The following LAMA2 variants were observed in gnomAD, a reference collection of about 807,000 sequenced individuals.
LAMA2 encodes laminin subunit alpha-2.
LAMA2 carries 269 observed loss-of-function variants against 364.8 expected under a neutral mutation model. The ratio of observed to expected loss-of-function variants is 0.74; its 90% CI spans 0.67 to 0.82. The LOEUF is 0.82. Among genes scored for constraint, LAMA2 ranks in the 40% least tolerant of loss-of-function variants. The pLI is 0.00. For missense variants in LAMA2, 3,807 were observed against 3,873.2 expected (o/e 0.98, Z 0.45); for synonymous variants, 1,379 against 1,370.6 (o/e 1.01, Z -0.14).
intron 64 of LAMA2, among the ~76,000 whole-genome samples, 178 bp downstream of exon 64, chr6:129,514,773 A>ACTT (rs1173371906): frequency 6.6e-6 from 1 of 152,252 alleles, no homozygotes; most frequent in Non-Finnish European, 1.5e-5. Context: ...TGAACATATT[A>ACTT]CTTATATAAA....
chr6:129,434,485 A>T (rs959091140), intron 41 of LAMA2, among the ~76,000 whole-genome samples: 9 of 152,156 alleles, frequency 5.9e-5, no homozygotes, highest in African/African-American at 9.7e-5. Context: ...GGCTTCTGTT[A>T]TTGGGTTTGA....
intron 1 of LAMA2, among the ~76,000 whole-genome samples, chr6:128,980,135 T>C (rs998921147): frequency 2.0e-5 from 3 of 152,176 alleles, no homozygotes; most frequent in East Asian, 1.9e-4. Context: ...GTAACCTCAG[T>C]GTAGCTGGTG....
At chr6:129,212,797 A>G (rs1218164539) in intron 12 of LAMA2, among the ~76,000 whole-genome samples, 1 of 152,206 alleles carries the variant, frequency 6.6e-6, no homozygotes, top group East Asian at 1.9e-4. Flanking sequence ...AGATACAATA[A>G]TATTTGGTCA....
At chr6:129,070,951 A>G (rs1225192945) in intron 3 of LAMA2, among the ~76,000 whole-genome samples, 1 of 152,142 alleles carries the variant, frequency 6.6e-6, no homozygotes, top group African/African-American at 2.4e-5. Context: ...ATAACCAGCA[A>G]CCCAGAAACT....
At chr6:128,982,800 C>T (rs1782974102) in intron 1 of LAMA2, among the ~76,000 whole-genome samples, 2 of 134,156 alleles carry the variant, frequency 1.5e-5, no homozygotes, top group Admixed American at 1.6e-4. Context: ...TGTGATGTTC[C>T]CCTTCTTGTG....
intron 12 of LAMA2, among the ~76,000 whole-genome samples, chr6:129,200,095 C>CAT: frequency 7.4e-6 from 1 of 135,600 alleles, no homozygotes; most frequent in South Asian, 2.6e-4. Context: ...TATATATACA[C>CAT]GTGTATATGT....
At chr6:129,267,368 G>C (rs1295245746) in intron 16 of LAMA2, 149 bp downstream of exon 16, 4 of 714,266 alleles carry the variant, frequency 5.6e-6, no homozygotes, top group Non-Finnish European at 7.8e-6. Flanking sequence ...AATTGGAACT[G>C]AGAATGCTCT....
intron 4 of LAMA2, among the ~76,000 whole-genome samples, chr6:129,135,220 G>A (rs954089814): frequency 6.6e-6 from 1 of 152,224 alleles, no homozygotes; most frequent in African/African-American, 2.4e-5. Flanking sequence ...TACTGGGTCT[G>A]TCATAGACAG....
At chr6:129,035,123 T>A (rs970058405) in intron 1 of LAMA2, among the ~76,000 whole-genome samples, 6 of 152,176 alleles carry the variant, frequency 3.9e-5, no homozygotes, top group Non-Finnish European at 8.8e-5. Flanking sequence ...CATTCCCTTT[T>A]CTCTGCAACC....
chr6:129,410,308 T>G (rs1780463385), intron 40 of LAMA2, among the ~76,000 whole-genome samples: 1 of 149,030 alleles, frequency 6.7e-6, no homozygotes, highest in African/African-American at 2.5e-5. Flanking sequence ...GTCCTCAACC[T>G]CTCTAGGTAT....
intron 51 of LAMA2, 102 bp from the exon 52 acceptor site, chr6:129,473,112 T>C (rs1368360548): frequency 1.7e-5 from 14 of 828,718 alleles, no homozygotes; most frequent in Non-Finnish European, 2.6e-5. Flanking sequence ...AAGTCAATGT[T>C]AATTCTCGAA....
At chr6:129,092,789 CTTCCA>C (rs1017952705) in intron 3 of LAMA2, among the ~76,000 whole-genome samples, 1 of 151,856 alleles carries the variant, frequency 6.6e-6, no homozygotes, top group African/African-American at 2.4e-5. Flanking sequence ...AAAGCATTGT[CTTCCA>C]TAGAGAGTGA....
At chr6:129,109,368 C>T (rs1367346194) in intron 4 of LAMA2, among the ~76,000 whole-genome samples, 1 of 152,056 alleles carries the variant, frequency 6.6e-6, no homozygotes, top group East Asian at 1.9e-4. Context: ...TAATGGTCCA[C>T]AAGAAAGGCC....
At chr6:129,101,011 G>A (rs556206848) in intron 4 of LAMA2, among the ~76,000 whole-genome samples, 5 of 152,198 alleles carry the variant, frequency 3.3e-5, no homozygotes, top group East Asian at 3.9e-4. Context: ...AATCTCACTC[G>A]TCAGCTTTAG....
intron 1 of LAMA2, among the ~76,000 whole-genome samples, chr6:128,995,972 A>G (rs917624156): frequency 2.6e-5 from 4 of 152,146 alleles, no homozygotes; most frequent in Non-Finnish European, 2.9e-5. Flanking sequence ...GATGATTTGT[A>G]TATGAATTCA....
intron 1 of LAMA2, among the ~76,000 whole-genome samples, chr6:128,911,266 C>G (rs904024109): frequency 6.6e-6 from 1 of 152,174 alleles, no homozygotes; most frequent in South Asian, 2.1e-4. Context: ...TGATCTCAGA[C>G]TGCTGTGCTA....
intron 1 of LAMA2, among the ~76,000 whole-genome samples, chr6:128,883,831 CACACATATAT>C (rs1303921509): frequency 1.5e-3 from 166 of 114,202 alleles, no homozygotes; most frequent in African/African-American, 6.1e-3. Context: ...CACACACACA[CACACATATAT>C]ATATATATAA....
chr6:129,484,322 A>C (rs903688470), intron 55 of LAMA2, among the ~76,000 whole-genome samples: 1 of 152,222 alleles, frequency 6.6e-6, no homozygotes, highest in African/African-American at 2.4e-5. Context: ...CACTGCTGGT[A>C]GAAAAAGTAA....
chr6:129,020,581 TC>T (rs570508076), intron 1 of LAMA2, among the ~76,000 whole-genome samples: 226 of 152,270 alleles, frequency 1.5e-3, no homozygotes, highest in African/African-American at 5.3e-3. Flanking sequence ...GGTTGTCATA[TC>T]ATGAAGATAA....
Sources: gnomAD v4.1 joint callset for allele counts (sites outside exome capture counted in the v4.1 genomes callset) on GRCh38, gnomAD v4.1.1 for gene constraint, MANE v1.5 for transcripts, NCBI Gene and HGNC (gene_info 2026-07-23, HGNC 2026-07-21) for gene names.